CRADD: variants seen among roughly 807,000 people sequenced by gnomAD.
The protein encoded by CRADD is CARD and death domain containing adaptor protein, also known as death domain-containing protein CRADD.
Under a neutral mutation model 15.5 loss-of-function variants are expected in CRADD, and 9 were observed. That is an observed-to-expected ratio of 0.58 (90% CI 0.35 to 1.01). The LOEUF (loss-of-function observed/expected upper bound fraction) is 1.01, where lower values mean the gene tolerates loss of function less well. Ranked by LOEUF, CRADD falls within the 50% of genes least tolerant of loss-of-function variation. The probability of loss-of-function intolerance (pLI) is 0.02; values close to 1 mark genes in which losing one functional copy is unlikely to be tolerated. For missense variants in CRADD, 227 were observed against 250.3 expected, an observed-to-expected ratio of 0.91 and a Z score of 0.63; for synonymous variants, 118 against 107.6, an observed-to-expected ratio of 1.10 and a Z score of -0.60.
intron 2 of CRADD, among the ~76,000 whole-genome samples, chr12:93,803,638 C>T (rs1382109863): frequency 6.6e-6 from 1 of 152,044 alleles, no homozygotes; most frequent in African/African-American, 2.4e-5. Flanking sequence ...AAGCAGAAGT[C>T]TCAAATTACT....
intron 2 of CRADD, among the ~76,000 whole-genome samples, chr12:93,753,913 C>T (rs538856253): frequency 6.6e-6 from 1 of 152,344 alleles, no homozygotes; most frequent in South Asian, 2.1e-4. Flanking sequence ...TCTCACAGCT[C>T]TACTAGGAAG....
At chr12:93,841,157 T>C (rs183761858) in intron 2 of CRADD, among the ~76,000 whole-genome samples, 13 of 152,336 alleles carry the variant, frequency 8.5e-5, no homozygotes, top group Non-Finnish European at 1.5e-4. Context: ...GATGTTGAAA[T>C]TTATTGCAAA....
rs182262254 is a variant in CRADD, at chr12:93,775,013, T to C, written c.299-74957T>C. ...ATCTGTCCTGAAATACACACACTTG[T>C]GTTTGTGTAGTTGGTGCAAATCACC... On this transcript the variant is annotated intron_variant, in intron 2 of 2. Coordinates refer to ENST00000332896, the MANE Select transcript of CRADD (RefSeq NM_003805.5). Among the ~76,000 whole-genome samples the C allele has an allele frequency of 3.3e-3, 499 of 152,276 alleles. 4 individuals carry two copies. Among genetic ancestry groups the C allele is most frequent in the Middle Eastern group, 0.031 (9 of 294 alleles).
At chr12:93,771,215 T>G (rs147488859) in intron 2 of CRADD, among the ~76,000 whole-genome samples, 1,570 of 152,306 alleles carry the variant, frequency 0.01, 25 homozygotes, top group African/African-American at 0.036. Flanking sequence ...TGGAATTGAC[T>G]CCTGAAACTG....
chr12:93,685,032 A>T (rs1955400200), intron 2 of CRADD, among the ~76,000 whole-genome samples: 1 of 152,182 alleles, frequency 6.6e-6, no homozygotes, highest in Non-Finnish European at 1.5e-5. Flanking sequence ...AGTAATATTG[A>T]ATTACATGAT....
chr12:93,797,436 G>T (rs534272573), intron 2 of CRADD, among the ~76,000 whole-genome samples: 33 of 152,296 alleles, frequency 2.2e-4, no homozygotes, highest in African/African-American at 7.5e-4. Context: ...AGAGACAACA[G>T]TCATGGGAAA....
At chr12:93,683,231 G>A (rs896123360) in intron 2 of CRADD, among the ~76,000 whole-genome samples, 4 of 152,176 alleles carry the variant, frequency 2.6e-5, no homozygotes, top group African/African-American at 9.7e-5. Flanking sequence ...CACGGTGGGA[G>A]TGACTCCTGG....
intron 2 of CRADD, among the ~76,000 whole-genome samples, chr12:93,740,780 T>C (rs917736820): frequency 6.6e-6 from 1 of 152,216 alleles, no homozygotes; most frequent in African/African-American, 2.4e-5. Context: ...AACTATAGTT[T>C]TTTTCTAATA....
chr12:93,750,310 T>C (rs950203606), intron 2 of CRADD, among the ~76,000 whole-genome samples: 11 of 151,324 alleles, frequency 7.3e-5, no homozygotes, highest in Middle Eastern at 3.4e-3. Flanking sequence ...AACTTGGTAA[T>C]AAGATGAAAG....
At chr12:93,870,335 A>G (rs1958407655) in intron 2 of CRADD, among the ~76,000 whole-genome samples, 1 of 152,160 alleles carries the variant, frequency 6.6e-6, no homozygotes, top group Non-Finnish European at 1.5e-5. Context: ...TGCTCATTCC[A>G]TGTCCTCACC....
chr12:93,859,794 G>A (rs139265819), intron 2 of CRADD, among the ~76,000 whole-genome samples: 2,217 of 151,924 alleles, frequency 0.015, 31 homozygotes, highest in Admixed American at 0.049. Flanking sequence ...GTGTAATCAC[G>A]GCTCACTGCA....
In CRADD at chr12:93,740,279, A is replaced by G. The variant is rs1252555480; in HGVS notation, c.298+61207A>G. 2.0e-5 allele frequency among the ~76,000 whole-genome samples: 3 copies of G among 152,196 alleles called. No individual in the cohort carries two copies. In the East Asian group the frequency reaches 5.8e-4, roughly 29 times the overall value. ...TTGATGAGCTGAAATGAGATAGTGA[A>G]GCAGAATAATTAGAACAACTTTTTT... On this transcript the variant is annotated intron_variant, in intron 2 of 2. Coordinates refer to ENST00000332896, the MANE Select transcript of CRADD (RefSeq NM_003805.5).
At chr12:93,720,777 C>T (rs1309662890) in intron 2 of CRADD, among the ~76,000 whole-genome samples, 1 of 152,206 alleles carries the variant, frequency 6.6e-6, no homozygotes, top group Non-Finnish European at 1.5e-5. Flanking sequence ...CTTTCTCCAA[C>T]CATTTAAATC....
At chr12:93,825,304 T>C (rs1957811731) in intron 2 of CRADD, among the ~76,000 whole-genome samples, 1 of 152,230 alleles carries the variant, frequency 6.6e-6, no homozygotes, top group African/African-American at 2.4e-5. Context: ...GCACTGACTC[T>C]GGAGCCAGAA....
intron 2 of CRADD, among the ~76,000 whole-genome samples, chr12:93,834,007 G>C (rs557961118): frequency 3.0e-4 from 45 of 152,136 alleles, no homozygotes; most frequent in Non-Finnish European, 6.2e-4. Context: ...TTAATTACCG[G>C]GTCTCCAGTC....
chr12:93,776,627 C>T (rs1178468805), intron 2 of CRADD, among the ~76,000 whole-genome samples: 1 of 152,114 alleles, frequency 6.6e-6, no homozygotes, highest in Non-Finnish European at 1.5e-5. Flanking sequence ...TGCATAGCAG[C>T]ATTATTTATA....
chr12:93,848,118 T>A (rs927029921), intron 2 of CRADD, among the ~76,000 whole-genome samples: 13 of 152,108 alleles, frequency 8.5e-5, no homozygotes, highest in African/African-American at 3.1e-4. Context: ...TTGGATGATT[T>A]CTTTTCTTCT....
At chr12:93,792,212 G>A (rs994131670) in intron 2 of CRADD, among the ~76,000 whole-genome samples, 1 of 152,092 alleles carries the variant, frequency 6.6e-6, no homozygotes, top group Admixed American at 6.6e-5. Context: ...GTATTACAGG[G>A]GAGGACTCAG....
intron 2 of CRADD, among the ~76,000 whole-genome samples, chr12:93,736,636 T>G (rs540239535): frequency 4.6e-5 from 7 of 152,364 alleles, no homozygotes; most frequent in African/African-American, 1.7e-4. Context: ...AGGATGTGAC[T>G]AGGGGTAGGC....
Sources: gnomAD v4.1 joint callset for allele counts (sites outside exome capture counted in the v4.1 genomes callset) on GRCh38, gnomAD v4.1.1 for gene constraint, MANE v1.5 for transcripts, NCBI Gene and HGNC (gene_info 2026-07-23, HGNC 2026-07-21) for gene names.